Variants in RPSA observed in about 807,000 individuals in gnomAD.
RPSA encodes the protein ribosomal protein SA.
For synonymous variants in RPSA, 103 were observed against 126.7 expected (o/e 0.81, Z 1.25); for missense variants, 140 against 372.8 (o/e 0.38, Z 5.14).
chr3:39,411,455 T>A, intron 4 of RPSA, 194 bp from the exon 5 acceptor site: 1 of 555,376 alleles, frequency 1.8e-6, no homozygotes, highest in East Asian at 3.1e-5. Flanking sequence ...GTCCAGGCAT[T>A]TTTTTTTCAA....
chr3:39,409,078 C>T, intron 3 of RPSA: 1 of 147,564 alleles, frequency 6.8e-6, no homozygotes, highest in South Asian at 1.7e-4. Flanking sequence ...AGCCGAGACT[C>T]TGTCTCAAAA....
chr3:39,412,518 T>C lies in RPSA; in HGVS notation c.*150T>C, dbSNP rs751231360. 76 of 605,118 alleles carry C rather than the reference T, an allele frequency of 1.3e-4. No individual in the cohort carries two copies. The highest frequency in any genetic ancestry group is 1.9e-4 in the Non-Finnish European group (66 of 341,824). The allele number at this position is 605,118 out of a possible 1,614,324, so 37.5% of individuals were successfully genotyped here. ...ATCAAAGCATAATAATAAATACATG[T>C]CTCGACATGAGTTGTACTTCTAAAG... is the stretch of plus-strand genomic sequence containing the variant. On this transcript the variant is annotated 3_prime_UTR_variant, in exon 7 of 7. Coordinates refer to ENST00000301821, the MANE Select transcript of RPSA (RefSeq NM_002295.6).
Position 39,410,829 on chromosome 3 carries a change from A to C in RPSA, c.328A>C (p.Asn110His), listed in dbSNP as rs1432387929. The change falls in exon 4 of 7, where the codon AAC becomes CAC. Residue 110 changes from asparagine to histidine, a missense_variant. Coordinates refer to ENST00000301821, the MANE Select transcript of RPSA (RefSeq NM_002295.6). ...CCGCTTCACTCCTGGAACCTTCACTAACCAGATCCAGGCAGCCTTCCGGGA... is the reference window on the plus strand; with the variant it reads ...CCGCTTCACTCCTGGAACCTTCACTCACCAGATCCAGGCAGCCTTCCGGGA... ...AGRFTPGTFT[N>H]QIQAAFREPR... The C allele has an allele frequency of 6.2e-7, 1 of 1,607,172 alleles. No homozygotes were observed.
chr3:39,411,322 A>G, intron 4 of RPSA: 2 of 617,468 alleles, frequency 3.2e-6, no homozygotes, highest in South Asian at 3.3e-5. Context: ...CTTTGTTTTC[A>G]CACCAACTTG....
intron 2 of RPSA, chr3:39,408,031 A>T: frequency 6.3e-6 from 3 of 478,644 alleles, no homozygotes; most frequent in Non-Finnish European, 1.1e-5. Context: ...GAGAAAGTTC[A>T]TTGGCTGAGT....
In RPSA at chr3:39,408,820, C is replaced by T. The variant is rs115132806; in HGVS notation, c.252+96C>T. The T allele has an allele frequency of 2.8e-4, 236 of 833,020 alleles. No individual in the cohort carries two copies. The African/African-American group carries it at 3.7e-3, about 13-fold the overall frequency. The allele number at this position is 833,020 out of a possible 1,614,324, so 51.6% of individuals were successfully genotyped here. ...CATAAGAAAACAGAAATAACTCAGG[C>T]CGGGCGCGGTGGCTACGCCTGTAAT... On this transcript the variant is annotated intron_variant, in intron 3 of 6. Coordinates refer to ENST00000301821, the MANE Select transcript of RPSA (RefSeq NM_002295.6).
Position 39,411,131 on chromosome 3 carries a change from A to G in RPSA, c.498+132A>G, listed in dbSNP as rs982774304. 2.6e-6 allele frequency: 3 copies of G among 1,164,278 alleles called. No homozygotes were observed. In the African/African-American group the frequency reaches 4.5e-5, roughly 18 times the overall value. 72.1% of individuals were successfully genotyped at this position (1,164,278 alleles called of 1,614,324 possible). A position where few individuals can be genotyped will look rare whatever the true frequency, so the allele number is the denominator to read the frequency against. On this transcript the variant is annotated intron_variant, in intron 4 of 6. Transcript: ENST00000301821. ...GCAAGTGTAGGTAGTGTGCTACATG[A>G]GGGGCAAGTTTTCGCTAACACCACA...
intron 1 of RPSA, chr3:39,407,036 G>A: frequency 2.2e-6 from 1 of 454,978 alleles, no homozygotes; most frequent in Non-Finnish European, 4.4e-6. Flanking sequence ...AGTGCAGAAA[G>A]CGGGCTAACA....
At position 39,407,804 on chromosome 3, in the gene RPSA, T is replaced by G. The variant is rs561873481; in HGVS notation, c.133+18T>G. ...AAGTGATGGTTAGTCATTGCTTTAATTTTTTGTTACTCCAGCTGTAAGTAC... is the reference window on the plus strand; with the variant it reads ...AAGTGATGGTTAGTCATTGCTTTAAGTTTTTGTTACTCCAGCTGTAAGTAC... On this transcript the variant is annotated intron_variant, in intron 2 of 6. Transcript: ENST00000301821. 2 of 1,595,050 alleles carry G rather than the reference T, an allele frequency of 1.3e-6. No homozygotes were observed. Among genetic ancestry groups the G allele is most frequent in the African/African-American group, 2.7e-5 (2 of 74,978 alleles).
At chr3:39,407,308 C>CT (rs1237100117) in intron 1 of RPSA, among the ~76,000 whole-genome samples, 1 of 152,172 alleles carries the variant, frequency 6.6e-6, no homozygotes, top group Non-Finnish European at 1.5e-5. Context: ...CATGGCTGCT[C>CT]TTTTGTATCT....
chr3:39,410,736 CT>C lies in RPSA; in HGVS notation c.253-14del. 1 of 1,613,896 alleles carries C rather than the reference CT, an allele frequency of 6.2e-7. No individual in the cohort carries two copies. Among genetic ancestry groups the C allele is most frequent in the African/African-American group, 1.3e-5 (1 of 75,042 alleles). On this transcript the variant is annotated splice_polypyrimidine_tract_variant and intron_variant, in intron 3 of 6. Coordinates refer to ENST00000301821, the MANE Select transcript of RPSA (RefSeq NM_002295.6). ...GCTGTGGAATATCGAGTACCACTAA[CT>C]TTTAAATTCTTCAAAGAGGGCTGTG...
intron 3 of RPSA, among the ~76,000 whole-genome samples, chr3:39,409,836 T>TA (rs56170792): frequency 1.3e-5 from 2 of 151,596 alleles, no homozygotes; most frequent in Non-Finnish European, 2.9e-5. Context: ...TCCTGTTTCT[T>TA]AAAAAAGCCA....
rs756706461 is a variant in RPSA, at chr3:39,410,712, C to G, written c.253-42C>G. 78 of 1,613,426 alleles carry G rather than the reference C, an allele frequency of 4.8e-5. No homozygotes were observed. The Admixed American group carries it at 1.2e-3, about 26-fold the overall frequency. Reference sequence around the variant, plus strand: ...TGCTTACTGGGTGCCAGGATTGTTGCTGTGGAATATCGAGTACCACTAACT... The same window carrying G: ...TGCTTACTGGGTGCCAGGATTGTTGGTGTGGAATATCGAGTACCACTAACT... On this transcript the variant is annotated intron_variant, in intron 3 of 6. Coordinates refer to ENST00000301821, the MANE Select transcript of RPSA (RefSeq NM_002295.6).
At position 39,408,735 on chromosome 3, in the gene RPSA, CAG is replaced by C. The variant is rs2125592462; in HGVS notation, c.252+12_252+13del. On this transcript the variant is annotated intron_variant, in intron 3 of 6. Transcript: ENST00000301821. Reference sequence around the variant, plus strand: ...AGGAATACTGGCCAGGTTTGTGGAACAGTGGTTAGTTTTTATATTATAGAAAT... The same window carrying C: ...AGGAATACTGGCCAGGTTTGTGGAACTGGTTAGTTTTTATATTATAGAAAT... 1 of 1,310,970 alleles carries C rather than the reference CAG, an allele frequency of 7.6e-7. No individual in the cohort carries two copies. The highest frequency in any genetic ancestry group is 1.4e-5 in the African/African-American group (1 of 69,132). 81.2% of individuals were successfully genotyped at this position (1,310,970 alleles called of 1,614,324 possible).
At chr3:39,411,155 C>G (rs765825079) in intron 4 of RPSA, 156 bp downstream of exon 4, 1 of 869,196 alleles carries the variant, frequency 1.2e-6, no homozygotes, top group Middle Eastern at 2.1e-4. Context: ...GCTAACACCA[C>G]AAGGGTCTCT....
At chr3:39,408,931 A>T (rs999184360) in intron 3 of RPSA, 21 of 508,688 alleles carry the variant, frequency 4.1e-5, no homozygotes, top group Non-Finnish European at 6.8e-5. Flanking sequence ...CTAAAAATAC[A>T]AAAAATTAGT....
chr3:39,408,475 T>A (rs2041953961), intron 2 of RPSA, 131 bp from the exon 3 acceptor site: 1 of 780,208 alleles, frequency 1.3e-6, no homozygotes, highest in Middle Eastern at 2.3e-4. Flanking sequence ...AATGGCAGGA[T>A]TTTCGCTAAC....
chr3:39,411,142 T>G (rs1457363444), intron 4 of RPSA, 143 bp downstream of exon 4: 2 of 981,008 alleles, frequency 2.0e-6, no homozygotes, highest in African/African-American at 1.6e-5. Context: ...GGGGCAAGTT[T>G]TCGCTAACAC....
chr3:39,407,057 C>T (rs1328287702), intron 1 of RPSA: 2 of 454,274 alleles, frequency 4.4e-6, no homozygotes, highest in East Asian at 1.4e-4. Flanking sequence ...TCCTGTGTTG[C>T]TATCCCTTCG....
Sources: gnomAD v4.1 joint callset for allele counts (sites outside exome capture counted in the v4.1 genomes callset) on GRCh38, gnomAD v4.1.1 for gene constraint, MANE v1.5 for transcripts, NCBI Gene and HGNC (gene_info 2026-07-23, HGNC 2026-07-21) for gene names.